The following PTPRD variants were observed in gnomAD, a reference collection of about 807,000 sequenced individuals.
PTPRD encodes protein tyrosine phosphatase receptor type D, also known as receptor-type tyrosine-protein phosphatase delta.
Under a neutral mutation model 214.5 loss-of-function variants are expected in PTPRD, and 34 were observed. The observed-to-expected ratio is 0.16, with a 90% confidence interval of 0.12 to 0.21. The LOEUF (loss-of-function observed/expected upper bound fraction) is 0.21, where lower values mean the gene tolerates loss of function less well. PTPRD is among the 10% of genes least tolerant of loss of function. PTPRD has a pLI of 1.00. For synonymous variants in PTPRD, 1,128 were observed against 845.7 expected (o/e 1.33, Z -5.79); for missense variants, 2,545 against 2,398.7 (o/e 1.06, Z -1.27).
At chr9:10,127,827 C>G (rs2098831132) in intron 3 of PTPRD, among the ~76,000 whole-genome samples, 1 of 152,132 alleles carries the variant, frequency 6.6e-6, no homozygotes, top group African/African-American at 2.4e-5. Context: ...CTAGATCAGT[C>G]TTCCGAAGTG....
At chr9:10,515,027 T>A (rs1002426552) in intron 2 of PTPRD, among the ~76,000 whole-genome samples, 3 of 152,052 alleles carry the variant, frequency 2.0e-5, no homozygotes, top group African/African-American at 7.2e-5. Flanking sequence ...ACTTAAAAAG[T>A]AATGTAATAA....
intron 3 of PTPRD, among the ~76,000 whole-genome samples, chr9:10,278,272 T>C (rs2094847645): frequency 6.6e-6 from 1 of 152,246 alleles, no homozygotes; most frequent in Admixed American, 6.5e-5. Flanking sequence ...ACTTTTCATC[T>C]TCCAGATTTT....
chr9:9,480,988 C>T (rs753232176), intron 8 of PTPRD, among the ~76,000 whole-genome samples: 24 of 152,052 alleles, frequency 1.6e-4, no homozygotes, highest in Admixed American at 3.3e-4. Flanking sequence ...CTGGGCCCTA[C>T]GTTATCTGTT....
chr9:8,500,583 A>AAAAAAAAAAAAAAAAAAAAAAAAAAG (rs1563868169), intron 24 of PTPRD, among the ~76,000 whole-genome samples, 171 bp downstream of exon 24: 1 of 146,316 alleles, frequency 6.8e-6, no homozygotes, highest in Admixed American at 6.8e-5. Context: ...AAAAAAAAAA[A>AAAAAAAAAAAAAAAAAAAAAAAAAAG]AAAAAAAGGC....
chr9:8,641,396 C>A (rs766992957), intron 12 of PTPRD, among the ~76,000 whole-genome samples: 6 of 148,506 alleles, frequency 4.0e-5, no homozygotes, highest in Non-Finnish European at 7.4e-5. Context: ...CCTTCCATTA[C>A]TGCTGTAGCT....
At chr9:8,914,264 G>T (rs1031216650) in intron 11 of PTPRD, among the ~76,000 whole-genome samples, 1 of 152,026 alleles carries the variant, frequency 6.6e-6, no homozygotes, top group South Asian at 2.1e-4. Flanking sequence ...AAGGAAGAAT[G>T]CATTTGAATT....
At chr9:9,897,898 C>T (rs536170516) in intron 5 of PTPRD, among the ~76,000 whole-genome samples, 5 of 151,994 alleles carry the variant, frequency 3.3e-5, no homozygotes, top group South Asian at 2.1e-4. Flanking sequence ...ACAGGTCAGA[C>T]GGTCTCTGTT....
intron 9 of PTPRD, among the ~76,000 whole-genome samples, chr9:9,196,161 A>C (rs375764277): frequency 6.6e-6 from 1 of 152,128 alleles, no homozygotes; most frequent in East Asian, 1.9e-4. Flanking sequence ...AAGAATAAAT[A>C]TGTGGGGGTA....
intron 3 of PTPRD, among the ~76,000 whole-genome samples, chr9:10,176,820 C>A (rs551090522): frequency 6.6e-6 from 1 of 151,984 alleles, no homozygotes; most frequent in South Asian, 2.1e-4. Flanking sequence ...CATAATGCAC[C>A]ATTGATATGG....
intron 37 of PTPRD, among the ~76,000 whole-genome samples, chr9:8,383,188 T>C (rs752987359): frequency 6.6e-6 from 1 of 152,132 alleles, no homozygotes; most frequent in Non-Finnish European, 1.5e-5. Flanking sequence ...CTTTTTCTAC[T>C]GCTTCATGCT....
chr9:9,754,344 A>C (rs1010898798), intron 6 of PTPRD, among the ~76,000 whole-genome samples: 3 of 152,048 alleles, frequency 2.0e-5, no homozygotes, highest in African/African-American at 7.2e-5. Flanking sequence ...TACTGGAAGA[A>C]ATAAATGCAA....
chr9:10,262,398 C>T (rs933832554), intron 3 of PTPRD, among the ~76,000 whole-genome samples: 22 of 152,104 alleles, frequency 1.4e-4, no homozygotes, highest in African/African-American at 4.8e-4. Flanking sequence ...ACTCTGTCAT[C>T]GGTATGTGAC....
chr9:9,434,727 T>C (rs1214082199), intron 8 of PTPRD, among the ~76,000 whole-genome samples: 1 of 151,802 alleles, frequency 6.6e-6, no homozygotes, highest in Non-Finnish European at 1.5e-5. Context: ...ATACAACAAA[T>C]CGTACCCCAT....
intron 10 of PTPRD, among the ~76,000 whole-genome samples, chr9:9,074,231 CAATGGGATA>C (rs2099747764): frequency 6.6e-6 from 1 of 151,968 alleles, no homozygotes; most frequent in Non-Finnish European, 1.5e-5. Flanking sequence ...TATTGATCTT[CAATGGGATA>C]AATGTGCTGA....
chr9:9,331,824 G>A (rs2042419013), intron 9 of PTPRD, among the ~76,000 whole-genome samples: 1 of 151,958 alleles, frequency 6.6e-6, no homozygotes. Flanking sequence ...GGGCTGTTTT[G>A]GGGCTTGGGA....
intron 12 of PTPRD, among the ~76,000 whole-genome samples, chr9:8,706,545 A>C (rs1210219578): frequency 6.6e-6 from 1 of 152,156 alleles, no homozygotes; most frequent in Non-Finnish European, 1.5e-5. Flanking sequence ...AAGTTTAAAA[A>C]GAACTTCATA....
At chr9:8,348,932 C>T (rs927397329) in intron 39 of PTPRD, among the ~76,000 whole-genome samples, 6 of 152,054 alleles carry the variant, frequency 3.9e-5, no homozygotes, top group South Asian at 2.1e-4. Context: ...GGTTATTATC[C>T]TTATGCCAGT....
intron 9 of PTPRD, among the ~76,000 whole-genome samples, chr9:9,330,856 T>C (rs575620317): frequency 4.0e-5 from 6 of 151,762 alleles, no homozygotes; most frequent in South Asian, 4.2e-4. Context: ...TCTAGTAATA[T>C]TGATTTATTA....
intron 21 of PTPRD, among the ~76,000 whole-genome samples, chr9:8,516,477 C>T (rs2097782841): frequency 6.6e-6 from 1 of 151,972 alleles, no homozygotes. Context: ...CTCTGAGATT[C>T]CTAGAAGCAA....
Sources: gnomAD v4.1 joint callset for allele counts (sites outside exome capture counted in the v4.1 genomes callset) on GRCh38, gnomAD v4.1.1 for gene constraint, MANE v1.5 for transcripts, NCBI Gene and HGNC (gene_info 2026-07-23, HGNC 2026-07-21) for gene names.